Variants in DYNC1I1 observed in about 807,000 individuals in gnomAD.
DYNC1I1 encodes dynein cytoplasmic 1 intermediate chain 1.
Under a neutral mutation model 86.6 loss-of-function variants are expected in DYNC1I1, and 43 were observed. The observed-to-expected ratio is 0.50, with a 90% CI of 0.39 to 0.64. The LOEUF is 0.64. Among genes scored for constraint, DYNC1I1 ranks in the 30% least tolerant of loss-of-function variants. DYNC1I1 has a pLI of 0.00. For synonymous variants in DYNC1I1, 262 were observed against 283.7 expected, an observed-to-expected ratio of 0.92 and a Z score of 0.77; for missense variants, 604 against 788.8, an observed-to-expected ratio of 0.77 and a Z score of 2.81.
intron 6 of DYNC1I1, among the ~76,000 whole-genome samples, chr7:95,932,788 C>T (rs975383410): frequency 6.6e-6 from 1 of 152,048 alleles, no homozygotes; most frequent in African/African-American, 2.4e-5. Flanking sequence ...GTTGAAATAC[C>T]TGATTTTTAC....
intron 5 of DYNC1I1, among the ~76,000 whole-genome samples, chr7:95,862,760 C>T (rs1025379542): frequency 1.3e-5 from 2 of 152,134 alleles, no homozygotes; most frequent in African/African-American, 4.8e-5. Context: ...GCCATCTCTC[C>T]ATATCCTCGG....
chr7:95,810,375 C>T lies in DYNC1I1; in HGVS notation c.109-17C>T. 2.5e-6 allele frequency: 4 copies of T among 1,578,314 alleles called. No homozygotes were observed. The highest frequency in any genetic ancestry group is 3.4e-6 in the Non-Finnish European group (4 of 1,163,882). ...TTAGTTATGTTATTAACTTTTCTTA[C>T]TGACGTCTACTTCTAGGCTGATATG... On this transcript the variant is annotated splice_polypyrimidine_tract_variant and intron_variant, in intron 2 of 16. Transcript: ENST00000447467.
chr7:95,936,756 A>G (rs760693976), intron 6 of DYNC1I1, among the ~76,000 whole-genome samples: 45 of 152,116 alleles, frequency 3.0e-4, no homozygotes, highest in Non-Finnish European at 5.2e-4. Context: ...GGAATAATCT[A>G]TAAGAATGTG....
At chr7:95,778,207 G>A (rs1793894961) in intron 1 of DYNC1I1, among the ~76,000 whole-genome samples, 2 of 152,162 alleles carry the variant, frequency 1.3e-5, no homozygotes, top group Non-Finnish European at 1.5e-5. Context: ...GGCATTTTGT[G>A]AAAATGGAGA....
chr7:96,013,707 C>T (rs1794333884), intron 10 of DYNC1I1, among the ~76,000 whole-genome samples: 2 of 152,176 alleles, frequency 1.3e-5, no homozygotes, highest in African/African-American at 4.8e-5. Flanking sequence ...GATCCTCTGG[C>T]CTTGGCCTCC....
chr7:95,821,380 T>C (rs1795073629), intron 4 of DYNC1I1, among the ~76,000 whole-genome samples: 1 of 152,078 alleles, frequency 6.6e-6, no homozygotes, highest in Non-Finnish European at 1.5e-5. Flanking sequence ...TTGCAGAAGA[T>C]ATATGGACGT....
chr7:95,949,465 T>C (rs559950796), intron 6 of DYNC1I1, among the ~76,000 whole-genome samples: 7 of 152,344 alleles, frequency 4.6e-5, no homozygotes, highest in African/African-American at 1.7e-4. Flanking sequence ...CACATTTAAA[T>C]GTTTGTCTCT....
chr7:96,091,883 C>T (rs1044378924), intron 16 of DYNC1I1, among the ~76,000 whole-genome samples: 1 of 151,934 alleles, frequency 6.6e-6, no homozygotes, highest in Non-Finnish European at 1.5e-5. Flanking sequence ...GTGGAAAGTG[C>T]CACAAGGAAA....
At chr7:95,798,192 A>G (rs993435552) in intron 1 of DYNC1I1, among the ~76,000 whole-genome samples, 9 of 152,228 alleles carry the variant, frequency 5.9e-5, no homozygotes, top group African/African-American at 2.2e-4. Context: ...TGGTATTAGT[A>G]GAACAGTCCT....
intron 6 of DYNC1I1, among the ~76,000 whole-genome samples, chr7:95,883,053 T>C (rs1051732581): frequency 6.6e-6 from 1 of 152,200 alleles, no homozygotes; most frequent in African/African-American, 2.4e-5. Context: ...AAATCTTGTA[T>C]TTTTACTCAA....
intron 1 of DYNC1I1, among the ~76,000 whole-genome samples, chr7:95,786,100 A>G (rs1234469530): frequency 1.3e-5 from 2 of 152,040 alleles, no homozygotes. Context: ...CTAAAAATAA[A>G]TAACTTTCTT....
intron 14 of DYNC1I1, among the ~76,000 whole-genome samples, chr7:96,071,870 C>T (rs887740169): frequency 6.6e-6 from 1 of 152,096 alleles, no homozygotes; most frequent in Non-Finnish European, 1.5e-5. Flanking sequence ...ATAGAGGTAA[C>T]AGATCTATTG....
chr7:95,951,403 G>A (rs1348679749), intron 6 of DYNC1I1, among the ~76,000 whole-genome samples: 1 of 152,082 alleles, frequency 6.6e-6, no homozygotes, highest in Admixed American at 6.6e-5. Flanking sequence ...AAAACATGGG[G>A]TGGCCCAACT....
intron 16 of DYNC1I1, among the ~76,000 whole-genome samples, chr7:96,107,784 C>G (rs180936477): frequency 4.7e-4 from 71 of 152,126 alleles, no homozygotes; most frequent in African/African-American, 1.6e-3. Flanking sequence ...CCTCGGCCTC[C>G]CAAAGTGCTG....
chr7:95,966,070 C>G (rs1793004884), intron 6 of DYNC1I1, among the ~76,000 whole-genome samples: 1 of 152,140 alleles, frequency 6.6e-6, no homozygotes, highest in South Asian at 2.1e-4. Flanking sequence ...ACCATGTGTT[C>G]TGGTTTAGCT....
intron 1 of DYNC1I1, 136 bp from the exon 2 acceptor site, chr7:95,804,585 G>A: frequency 1.9e-6 from 2 of 1,046,432 alleles, no homozygotes; most frequent in Non-Finnish European, 2.6e-6. Flanking sequence ...CTTTCACATA[G>A]GCTAAATAAT....
At chr7:95,841,732 T>C (rs1789287930) in intron 5 of DYNC1I1, among the ~76,000 whole-genome samples, 2 of 152,216 alleles carry the variant, frequency 1.3e-5, no homozygotes, top group South Asian at 4.1e-4. Context: ...GACTAGTAAT[T>C]GCCTGCCCTG....
intron 5 of DYNC1I1, among the ~76,000 whole-genome samples, chr7:95,829,530 T>C (rs1437001624): frequency 1.3e-5 from 2 of 152,166 alleles, no homozygotes; most frequent in African/African-American, 4.8e-5. Flanking sequence ...TTATATTGTG[T>C]TAAAAAAACA....
At chr7:95,908,413 T>G (rs532754238) in intron 6 of DYNC1I1, among the ~76,000 whole-genome samples, 75 of 152,278 alleles carry the variant, frequency 4.9e-4, no homozygotes, top group African/African-American at 1.8e-3. Flanking sequence ...GTAGGCACTA[T>G]TGATGAGACC....
Sources: gnomAD v4.1 joint callset for allele counts (sites outside exome capture counted in the v4.1 genomes callset) on GRCh38, gnomAD v4.1.1 for gene constraint, MANE v1.5 for transcripts, NCBI Gene and HGNC (gene_info 2026-07-23, HGNC 2026-07-21) for gene names.